Variants in CNTNAP2 observed in about 807,000 individuals in gnomAD.
CNTNAP2 encodes the protein contactin-associated protein-like 2.
A neutral mutation model predicts 155.2 loss-of-function variants in CNTNAP2; 98 were observed. That is an observed-to-expected ratio of 0.63 (90% CI 0.54 to 0.75). The LOEUF (loss-of-function observed/expected upper bound fraction) is 0.75. Ranked by LOEUF, CNTNAP2 falls within the 30% of genes least tolerant of loss-of-function variation. The probability of loss-of-function intolerance (pLI) is 0.00; values close to 1 mark genes in which losing one functional copy is unlikely to be tolerated. For synonymous variants in CNTNAP2, 651 were observed against 631.2 expected (o/e 1.03, Z -0.47); for missense variants, 1,727 against 1,688.1 (o/e 1.02, Z -0.40).
intron 21 of CNTNAP2, among the ~76,000 whole-genome samples, chr7:148,299,326 A>AAGT (rs1797340758): frequency 6.6e-6 from 1 of 152,194 alleles, no homozygotes; most frequent in African/African-American, 2.4e-5. Context: ...GAATGAGTAG[A>AAGT]AGTAGCCAGG....
At chr7:148,158,072 A>T (rs1292114617) in intron 17 of CNTNAP2, among the ~76,000 whole-genome samples, 1 of 152,086 alleles carries the variant, frequency 6.6e-6, no homozygotes, top group Non-Finnish European at 1.5e-5. Flanking sequence ...ACAAAGGGCA[A>T]AGGATAGCCC....
rs867839653 is a variant in CNTNAP2, at chr7:148,420,481, C to T, written c.*4865C>T. 3.1e-4 allele frequency: 47 copies of T among 152,204 alleles called. No individual in the cohort carries two copies. Among genetic ancestry groups the T allele is most frequent in the African/African-American group, 1.1e-3 (45 of 41,534 alleles). The allele number at this position is 152,204 out of a possible 1,614,324, so 9.4% of individuals were successfully genotyped here. A position where few individuals can be genotyped will look rare whatever the true frequency, so the allele number is the denominator to read the frequency against. ...TCATCTCCCATTGAGCAAAGACTGG[C>T]AGGAGATAATAAAAATAAATATGGG... On this transcript the variant is annotated 3_prime_UTR_variant, in exon 24 of 24. Coordinates refer to ENST00000361727, the MANE Select transcript of CNTNAP2 (RefSeq NM_014141.6).
intron 1 of CNTNAP2, among the ~76,000 whole-genome samples, chr7:146,196,335 T>A (rs553696558): frequency 7.9e-5 from 12 of 152,290 alleles, no homozygotes; most frequent in African/African-American, 2.9e-4. Flanking sequence ...CAGGCGTTAG[T>A]TCATGTTTGT....
At chr7:147,223,494 C>T (rs1365572855) in intron 8 of CNTNAP2, among the ~76,000 whole-genome samples, 1 of 152,148 alleles carries the variant, frequency 6.6e-6, no homozygotes, top group Non-Finnish European at 1.5e-5. Context: ...AAAAAGCAGC[C>T]TGTCCTCGGC....
intron 8 of CNTNAP2, among the ~76,000 whole-genome samples, chr7:147,158,504 T>G (rs898283886): frequency 6.6e-6 from 1 of 152,120 alleles, no homozygotes; most frequent in Non-Finnish European, 1.5e-5. Context: ...TTCACACTGC[T>G]AAGTTAAATC....
intron 8 of CNTNAP2, among the ~76,000 whole-genome samples, chr7:147,245,808 A>G (rs1584816654): frequency 6.7e-6 from 1 of 150,006 alleles, no homozygotes; most frequent in South Asian, 2.1e-4. Flanking sequence ...ATAAAATCCA[A>G]TTCCTTTCAG....
intron 7 of CNTNAP2, 99 bp downstream of exon 7, chr7:147,128,935 T>A: frequency 6.6e-7 from 1 of 1,511,514 alleles, no homozygotes; most frequent in Non-Finnish European, 9.2e-7. Flanking sequence ...ACATTTTTCA[T>A]CATATTTGTG....
chr7:147,922,887 G>T (rs1474434826), intron 14 of CNTNAP2, among the ~76,000 whole-genome samples: 1 of 152,204 alleles, frequency 6.6e-6, no homozygotes, highest in African/African-American at 2.4e-5. Flanking sequence ...AGATGCCAAT[G>T]TTAGGGACTA....
chr7:147,506,752 C>A (rs1475836061), intron 11 of CNTNAP2, among the ~76,000 whole-genome samples: 1 of 152,174 alleles, frequency 6.6e-6, no homozygotes, highest in Admixed American at 6.5e-5. Flanking sequence ...TAACATCTAC[C>A]CACTGTCTGG....
At position 148,209,965 on chromosome 7, in the gene CNTNAP2, G is replaced by A. The variant is rs554025567; in HGVS notation, c.3011-7323G>A. ...TTCCTAGAATACTTTCCCTACCCCC[G>A]TTACCAGCAAAATCTCACTGGCCTT... On this transcript the variant is annotated intron_variant, in intron 18 of 23. Coordinates refer to ENST00000361727, the MANE Select transcript of CNTNAP2 (RefSeq NM_014141.6). 1.3e-3 allele frequency among the ~76,000 whole-genome samples: 202 copies of A among 152,172 alleles called. 1 individual carries two copies. The highest frequency in any genetic ancestry group is 4.5e-3 in the African/African-American group (186 of 41,512).
At chr7:148,380,458 C>T (rs763087598) in intron 21 of CNTNAP2, among the ~76,000 whole-genome samples, 6 of 152,078 alleles carry the variant, frequency 3.9e-5, no homozygotes, top group South Asian at 2.1e-4. Context: ...TTGGCTCAGC[C>T]GCTAATGAAA....
chr7:146,895,867 A>G (rs1795867833), intron 3 of CNTNAP2, among the ~76,000 whole-genome samples: 1 of 152,124 alleles, frequency 6.6e-6, no homozygotes, highest in Non-Finnish European at 1.5e-5. Flanking sequence ...TCTCATTTTC[A>G]CATGAGTGGT....
intron 15 of CNTNAP2, among the ~76,000 whole-genome samples, chr7:148,065,969 G>C (rs1215102807): frequency 6.6e-6 from 1 of 152,162 alleles, no homozygotes; most frequent in Non-Finnish European, 1.5e-5. Flanking sequence ...AATTCTTGTA[G>C]TGCTGGCTTT....
At chr7:148,218,597 T>C (rs566797865) in intron 19 of CNTNAP2, among the ~76,000 whole-genome samples, 18 of 152,178 alleles carry the variant, frequency 1.2e-4, no homozygotes, top group Non-Finnish European at 1.8e-4. Context: ...TCTCACGATG[T>C]TGCCAGGCCT....
intron 1 of CNTNAP2, among the ~76,000 whole-genome samples, chr7:146,272,862 A>G (rs1800103743): frequency 6.6e-6 from 1 of 152,184 alleles, no homozygotes; most frequent in Non-Finnish European, 1.5e-5. Flanking sequence ...GAATCTTTTT[A>G]TGTTAGGGAA....
intron 12 of CNTNAP2, among the ~76,000 whole-genome samples, chr7:147,584,155 T>C (rs995891): frequency 0.69 from 104,693 of 152,104 alleles, 36,572 homozygotes; most frequent in African/African-American, 0.8. Flanking sequence ...ATGTCACTTA[T>C]GTTTTCCTTT....
chr7:147,348,925 G>C (rs1795924600), intron 9 of CNTNAP2, among the ~76,000 whole-genome samples: 2 of 151,926 alleles, frequency 1.3e-5, no homozygotes, highest in South Asian at 4.1e-4. Context: ...ATAAGTGCAA[G>C]CTTAAAAATG....
chr7:146,678,541 A>G lies in CNTNAP2; in HGVS notation c.98-95730A>G, dbSNP rs185596542. Among the ~76,000 whole-genome samples the G allele has an allele frequency of 4.2e-3, 641 of 152,174 alleles. 1 individual carries two copies. The highest frequency in any genetic ancestry group is 0.015 in the African/African-American group (607 of 41,538). On this transcript the variant is annotated intron_variant, in intron 1 of 23. Transcript: ENST00000361727. Reference sequence around the variant, plus strand: ...TTTACACTGTCGAAAATTTGCATATATAATTTAGTAAGGAATAATTCCACA... The same window carrying G: ...TTTACACTGTCGAAAATTTGCATATGTAATTTAGTAAGGAATAATTCCACA...
intron 3 of CNTNAP2, among the ~76,000 whole-genome samples, chr7:147,001,626 T>C (rs1798424638): frequency 6.6e-6 from 1 of 151,964 alleles, no homozygotes; most frequent in African/African-American, 2.4e-5. Flanking sequence ...AATTCTTATC[T>C]CCAGCCATGA....
Sources: allele counts gnomAD v4.1 joint callset (sites outside exome capture counted in the v4.1 genomes callset), GRCh38; gene constraint gnomAD v4.1.1; transcripts MANE v1.5; gene names NCBI Gene and HGNC (gene_info 2026-07-23, HGNC 2026-07-21).